OR52K1: variants seen among roughly 807,000 people sequenced by gnomAD.
OR52K1 encodes olfactory receptor family 52 subfamily K member 1, also known as olfactory receptor 52K1.
In OR52K1, 10 loss-of-function variants were observed where a neutral mutation model predicts 8.7. The observed-to-expected ratio is 1.15, with a 90% CI of 0.71 to 1.95. The LOEUF is 1.95. Ranked by LOEUF, OR52K1 falls within the 30% of genes most tolerant of loss-of-function variation. The probability of loss-of-function intolerance (pLI) is 0.00; values close to 1 mark genes in which losing one functional copy is unlikely to be tolerated. For missense variants in OR52K1, 431 were observed against 397.2 expected, an observed-to-expected ratio of 1.08 and a Z score of -0.72; for synonymous variants, 203 against 148.5, an observed-to-expected ratio of 1.37 and a Z score of -2.67.
chr11:4,489,168 A>G lies in OR52K1; in HGVS notation c.268A>G (p.Arg90Gly), dbSNP rs940420928. The change falls in exon 2 of 2, where the codon AGG becomes GGG. Residue 90 changes from arginine to glycine, a missense_variant. Coordinates refer to ENST00000641528, the MANE Select transcript of OR52K1 (RefSeq NM_001005171.3). ...LPKMLAIFWF[R>G]DQEINFFACL... ...CAAAATGCTTGCCATATTCTGGTTC[A>G]GGGATCAGGAGATCAACTTCTTTGC... 8.7e-6 allele frequency: 14 copies of G among 1,614,122 alleles called. No individual in the cohort carries two copies. The highest frequency in any genetic ancestry group is 5.3e-5 in the African/African-American group (4 of 74,946).
In OR52K1 at chr11:4,490,040, A is replaced by T; in HGVS notation, c.*195A>T. 3.4e-6 allele frequency: 2 copies of T among 583,504 alleles called. No homozygotes were observed. Among genetic ancestry groups the T allele is most frequent in the South Asian group, 4.2e-5 (2 of 48,114 alleles). The allele number at this position is 583,504 out of a possible 1,614,324, so 36.1% of individuals were successfully genotyped here. On this transcript the variant is annotated 3_prime_UTR_variant, in exon 2 of 2. Transcript: ENST00000641528. ...GAGTGCACCTATAGTCTGGTCTGAT[A>T]GTAGAGGTTTGACCTTCCCATTGTC... is the stretch of plus-strand genomic sequence containing the variant.
chr11:4,489,727 T>TA lies in OR52K1; in HGVS notation c.828dup (p.Leu277ThrfsTer27). 6.2e-7 allele frequency: 1 copy of TA among 1,614,242 alleles called. No individual in the cohort carries two copies. The highest frequency in any genetic ancestry group is 1.1e-5 in the South Asian group (1 of 91,090). On this transcript the variant is annotated frameshift_variant, in exon 2 of 2. Coordinates refer to ENST00000641528, the MANE Select transcript of OR52K1 (RefSeq NM_001005171.3). LOFTEE classifies it high-confidence loss of function. ...CGCCATGCTGCCCCTCGTGTCCACA[T>TA]ACTCCTTGCTATTTTCTATCTCCTT...
At position 4,493,237 on chromosome 11, in the gene OR52K1, GGGCCTGACTAATGTCA is replaced by G. The variant is rs1206955217; in HGVS notation, c.*3398_*3413del. On this transcript the variant is annotated 3_prime_UTR_variant, in exon 2 of 2. Transcript: ENST00000641528. ...CTGTGGCCTCCAGATGGCTGTGGGT[GGGCCTGACTAATGTCA>G]GGCCTTCCACAAGAGGTGGTGAAAC... is the stretch of plus-strand genomic sequence containing the variant. The G allele has an allele frequency of 6.6e-6, 1 of 152,210 alleles. No homozygotes were observed. Among genetic ancestry groups the G allele is most frequent in the Non-Finnish European group, 1.5e-5 (1 of 68,048 alleles). 9.4% of individuals were successfully genotyped at this position (152,210 alleles called of 1,614,324 possible).
Position 4,491,985 on chromosome 11 carries a change from A to G in OR52K1, c.*2140A>G, listed in dbSNP as rs543610469. Reference sequence around the variant, plus strand: ...TCGAATGGAAAGGAACAGAAAGACAAGAAGTTGCCTGGTCCATATAGACAC... The same window carrying G: ...TCGAATGGAAAGGAACAGAAAGACAGGAAGTTGCCTGGTCCATATAGACAC... On this transcript the variant is annotated 3_prime_UTR_variant, in exon 2 of 2. Transcript: ENST00000641528. 5 of 152,250 alleles carry G rather than the reference A, an allele frequency of 3.3e-5. No individual in the cohort carries two copies. The highest frequency in any genetic ancestry group is 1.2e-4 in the African/African-American group (5 of 41,540). 9.4% of individuals were successfully genotyped at this position (152,250 alleles called of 1,614,324 possible).
chr11:4,489,938 T>A lies in OR52K1; in HGVS notation c.*93T>A. ...AAATCTAAATAGGAAAATTGCAGAG[T>A]ATCTTTGACAATTCTCTAGTATGAT... On this transcript the variant is annotated 3_prime_UTR_variant, in exon 2 of 2. Transcript: ENST00000641528. 2 of 869,066 alleles carry A rather than the reference T, an allele frequency of 2.3e-6. No homozygotes were observed. Among genetic ancestry groups the A allele is most frequent in the South Asian group, 1.6e-5 (1 of 61,280 alleles). The allele number at this position is 869,066 out of a possible 1,614,324, so 53.8% of individuals were successfully genotyped here.
At chr11:4,486,907 G>C (rs192211014) in intron 1 of OR52K1, among the ~76,000 whole-genome samples, 7 of 152,300 alleles carry the variant, frequency 4.6e-5, no homozygotes, top group Non-Finnish European at 4.4e-5. Flanking sequence ...AGAAGGAAGT[G>C]AGACACTCTG....
Position 4,489,507 on chromosome 11 carries a change from G to A in OR52K1, c.607G>A (p.Ala203Thr). Residue 203 changes from alanine (A) to threonine (T), a missense_variant, in exon 2 of 2, where the codon GCT becomes ACT. By Grantham distance (58) the Ala-to-Thr change is moderately conservative (BLOSUM62 0). Coordinates refer to ENST00000641528, the MANE Select transcript of OR52K1 (RefSeq NM_001005171.3). ...TAGCTTCAACAATATCTATGGCATT[G>A]CTGTGGCCATGTTTATTGTGGTGTT... ...DTSFNNIYGI[A>T]VAMFIVVLDL... 1 of 1,614,238 alleles carries A rather than the reference G, an allele frequency of 6.2e-7. No individual in the cohort carries two copies. The highest frequency in any genetic ancestry group is 8.5e-7 in the Non-Finnish European group (1 of 1,180,028).
rs139948093 is a variant in OR52K1, at chr11:4,489,415, G to A, written c.515G>A (p.Arg172Gln). Residue 172 changes from arginine (R) to glutamine (Q), a missense_variant, in exon 2 of 2, where the codon CGA becomes CAA. Arg to Gln is a conservative substitution (Grantham distance 43, BLOSUM62 1). Coordinates refer to ENST00000641528, the MANE Select transcript of OR52K1 (RefSeq NM_001005171.3). The part of the protein sequence containing the change: ...PFLLRRFHYC[R>Q]GPVIAHCYCE... ...CTGCTCAGACGCTTCCACTACTGCCGAGGCCCAGTGATTGCCCATTGCTAC... is the reference window on the plus strand; with the variant it reads ...CTGCTCAGACGCTTCCACTACTGCCAAGGCCCAGTGATTGCCCATTGCTAC... The A allele has an allele frequency of 2.7e-4, 439 of 1,614,144 alleles. No individual in the cohort carries two copies. The highest frequency in any genetic ancestry group is 6.6e-4 in the Middle Eastern group (4 of 6,062).
chr11:4,487,911 T>A (rs1471007490), intron 1 of OR52K1, among the ~76,000 whole-genome samples: 1 of 152,038 alleles, frequency 6.6e-6, no homozygotes, highest in African/African-American at 2.4e-5. Flanking sequence ...TGTTTAAGGA[T>A]CTGAAAAAAG....
intron 1 of OR52K1, among the ~76,000 whole-genome samples, chr11:4,487,050 G>T (rs1332761644): frequency 6.6e-6 from 1 of 152,184 alleles, no homozygotes; most frequent in Non-Finnish European, 1.5e-5. Context: ...CCATCATCAT[G>T]GAGGTCATTG....
Position 4,488,789 on chromosome 11 carries a change from A to G in OR52K1, c.-112A>G, listed in dbSNP as rs762739261. ...AAGTCTAGCAATGGAAACAAGAGGT[A>G]ATCTTTGCAGGTGGGATAGCACAGG... On this transcript the variant is annotated 5_prime_UTR_variant, in exon 2 of 2. The change abolishes the stop of an existing upstream ORF in the 5' untranslated region. Transcript: ENST00000641528. The G allele has an allele frequency of 2.7e-6, 2 of 737,262 alleles. No homozygotes were observed. Among genetic ancestry groups the G allele is most frequent in the Admixed American group, 5.0e-5 (2 of 40,224 alleles). 45.7% of individuals were successfully genotyped at this position (737,262 alleles called of 1,614,324 possible). A position where few individuals can be genotyped will look rare whatever the true frequency, so the allele number is the denominator to read the frequency against.
At chr11:4,487,208 A>G (rs955149983) in intron 1 of OR52K1, among the ~76,000 whole-genome samples, 2 of 152,236 alleles carry the variant, frequency 1.3e-5, no homozygotes, top group African/African-American at 4.8e-5. Context: ...GAATAAAGGG[A>G]GGAGGATTTA....
chr11:4,485,015 CTCTT>C (rs1846310231), intron 1 of OR52K1, among the ~76,000 whole-genome samples: 1 of 152,224 alleles, frequency 6.6e-6, no homozygotes, highest in South Asian at 2.1e-4. Flanking sequence ...TTGCCTGTCT[CTCTT>C]CTAGCAAAAT....
In OR52K1 at chr11:4,487,254, T is replaced by A. The variant is rs770134571; in HGVS notation, c.-328-1319T>A. On this transcript the variant is annotated intron_variant, in intron 1 of 1. Transcript: ENST00000641528. Reference sequence around the variant, plus strand: ...AGATTAATCAACATAAATAATTTTTTAAAAAGTAACAGTTCTACAGAAGAG... The same window carrying A: ...AGATTAATCAACATAAATAATTTTTAAAAAAGTAACAGTTCTACAGAAGAG... 5.9e-5 allele frequency among the ~76,000 whole-genome samples: 9 copies of A among 152,082 alleles called. No individual in the cohort carries two copies. The South Asian group carries it at 6.2e-4, about 10-fold the overall frequency.
Position 4,482,865 on chromosome 11 carries a change from C to G in OR52K1, c.-640C>G. 3.0e-6 allele frequency: 1 copy of G among 335,412 alleles called. No individual in the cohort carries two copies. Among genetic ancestry groups the G allele is most frequent in the Non-Finnish European group, 5.4e-6 (1 of 186,422 alleles). 20.8% of individuals were successfully genotyped at this position (335,412 alleles called of 1,614,324 possible). ...TTCCTGATCTTAGGCATCAGCTCTC[C>G]AACCCTGTTATTGCTTCTACTCTGG... On this transcript the variant is annotated 5_prime_UTR_variant, in exon 1 of 2. Coordinates refer to ENST00000641528, the MANE Select transcript of OR52K1 (RefSeq NM_001005171.3).
chr11:4,486,606 A>G (rs1364789880), intron 1 of OR52K1, among the ~76,000 whole-genome samples: 4 of 152,202 alleles, frequency 2.6e-5, no homozygotes, highest in African/African-American at 4.8e-5. Context: ...TGAAATGCCT[A>G]TCATAACTGC....
Position 4,488,661 on chromosome 11 carries a change from A to C in OR52K1, c.-240A>C, listed in dbSNP as rs1021283960. 4.0e-6 allele frequency: 2 copies of C among 498,330 alleles called. No individual in the cohort carries two copies. The highest frequency in any genetic ancestry group is 7.1e-6 in the Non-Finnish European group (2 of 283,058). The allele number at this position is 498,330 out of a possible 1,614,324, so 30.9% of individuals were successfully genotyped here. ...GTCTTAGAATATTAAATATCCATAG[A>C]ATTGATATCCCATCTACTCAATGAG... On this transcript the variant is annotated 5_prime_UTR_variant, in exon 2 of 2. Transcript: ENST00000641528.
chr11:4,487,662 TC>T (rs1846331477), intron 1 of OR52K1, among the ~76,000 whole-genome samples: 1 of 152,196 alleles, frequency 6.6e-6, no homozygotes, highest in African/African-American at 2.4e-5. Flanking sequence ...AGCTATAATA[TC>T]TTAGAGCAAT....
rs1846358966 is a variant in OR52K1 at position 4,489,836 on chromosome 11, G to A, written c.936G>A (p.Lys312=). Residue 312 remains lysine, a synonymous_variant, in exon 2 of 2, where the codon AAG becomes AAA. Transcript: ENST00000641528. ...REYVLSLFQR[K]NM is the part of the protein sequence containing the mutation. ...ATGTGCTCAGTCTATTCCAGAGAAAGAACATGTAGATGGATAGTTCTCTTT... is the reference window on the plus strand; with the variant it reads ...ATGTGCTCAGTCTATTCCAGAGAAAAAACATGTAGATGGATAGTTCTCTTT... The A allele has an allele frequency of 1.9e-6, 3 of 1,598,950 alleles. No individual in the cohort carries two copies. The highest frequency in any genetic ancestry group is 1.7e-6 in the Non-Finnish European group (2 of 1,171,410).
Sources: gnomAD v4.1 joint callset for allele counts (sites outside exome capture counted in the v4.1 genomes callset) on GRCh38, gnomAD v4.1.1 for gene constraint, MANE v1.5 for transcripts, NCBI Gene and HGNC (gene_info 2026-07-23, HGNC 2026-07-21) for gene names.